TIAM1: variants seen among roughly 807,000 people sequenced by gnomAD.
The protein encoded by TIAM1 is rho guanine nucleotide exchange factor TIAM1.
A neutral mutation model predicts 163.5 loss-of-function variants in TIAM1; 65 were observed. The observed-to-expected ratio is 0.40, with a 90% CI of 0.33 to 0.49. The LOEUF is 0.49. Ranked by LOEUF, TIAM1 falls within the 20% of genes least tolerant of loss-of-function variation. TIAM1 has a pLI of 0.77. For synonymous variants in TIAM1, 833 were observed against 810.1 expected, an observed-to-expected ratio of 1.03 and a Z score of -0.48; for missense variants, 1,789 against 2,044.7, an observed-to-expected ratio of 0.87 and a Z score of 2.41.
intron 25 of TIAM1, among the ~76,000 whole-genome samples, chr21:31,127,656 T>C (rs1167819775): frequency 6.6e-6 from 1 of 152,136 alleles, no homozygotes; most frequent in African/African-American, 2.4e-5. Context: ...GATCTCATGA[T>C]CCACCCGCCT....
intron 2 of TIAM1, among the ~76,000 whole-genome samples, chr21:31,385,469 G>A (rs959778793): frequency 4.6e-5 from 7 of 152,060 alleles, no homozygotes; most frequent in Admixed American, 1.3e-4. Flanking sequence ...TTTGGGGTGC[G>A]AGATGCAGGG....
Position 31,210,179 on chromosome 21 carries a change from G to A in TIAM1, c.2254C>T (p.His752Tyr), listed in dbSNP as rs777089324. ...ACCCAAATGTCGCAGTCAGGGTTGT[G>A]CTGGTGAACGTTAGGTAAGACCACT... ...KEVVLPNVHQ[H>Y]NPDCDIWVHE... Residue 752 changes from histidine (H) to tyrosine (Y), a missense_variant, in exon 11 of 28, where the codon CAC (histidine) becomes TAC (tyrosine). This residue lies in a region of TIAM1 where 456 missense variants were observed against 586.6 expected (regional missense o/e 0.78). Transcript: ENST00000541036. The A allele has an allele frequency of 1.5e-5, 25 of 1,614,116 alleles. No individual in the cohort carries two copies. The highest frequency in any genetic ancestry group is 1.5e-5 in the Non-Finnish European group (18 of 1,180,034).
rs559511178 is a variant in TIAM1 at position 31,194,285 on chromosome 21, T to C, written c.2575+939A>G. 1.5e-4 allele frequency among the ~76,000 whole-genome samples: 23 copies of C among 152,250 alleles called. No individual in the cohort carries two copies. In the South Asian group the frequency reaches 3.9e-3, roughly 26 times the overall value. On this transcript the variant is annotated intron_variant, in intron 13 of 27. Transcript: ENST00000541036. ...TTTGCTATTAAAAAAATCATAGTTG[T>C]GAGTATGACCAGAGGCTGAGCTCTG...
chr21:31,195,873 A>C (rs529777968), intron 12 of TIAM1, among the ~76,000 whole-genome samples: 1 of 152,298 alleles, frequency 6.6e-6, no homozygotes, highest in South Asian at 2.1e-4. Context: ...AAAGGAAATA[A>C]CTTATGACTA....
At chr21:31,436,564 T>G (rs972650609) in intron 2 of TIAM1, among the ~76,000 whole-genome samples, 1 of 151,716 alleles carries the variant, frequency 6.6e-6, no homozygotes, top group Admixed American at 6.6e-5. Context: ...GAGGTAGAGG[T>G]TGCAGTGAGC....
At position 31,547,837 on chromosome 21, in the gene TIAM1, A is replaced by T. The variant is rs189860458; in HGVS notation, c.-422+11090T>A. On this transcript the variant is annotated intron_variant, in intron 1 of 28. Transcript: ENST00000286827. ...CCCAGCAATATATTAACCATAACAG[A>T]TTTGAGGGTTAAGGATGAGCTTTGC... Among the ~76,000 whole-genome samples, 81 of 152,312 alleles carry T rather than the reference A, an allele frequency of 5.3e-4. No individual in the cohort carries two copies. In the East Asian group the frequency reaches 0.013, roughly 24 times the overall value.
intron 3 of TIAM1, among the ~76,000 whole-genome samples, chr21:31,270,805 T>C (rs1255415138): frequency 6.6e-6 from 1 of 152,236 alleles, no homozygotes; most frequent in Middle Eastern, 3.2e-3. Flanking sequence ...TCTTCCAATG[T>C]GGCCCAGGGA....
At position 31,524,331 on chromosome 21, in the gene TIAM1, C is replaced by T. The variant is rs116036460; in HGVS notation, c.-422+34596G>A. Among the ~76,000 whole-genome samples, 296 of 152,142 alleles carry T rather than the reference C, an allele frequency of 1.9e-3. 1 individual carries two copies. The highest frequency in any genetic ancestry group is 6.0e-3 in the African/African-American group (250 of 41,522). ...AGCAAGAGAGAGTAGAGGGAGGTGT[C>T]ACACTTTACAACAGCCAGATCTTGC... is the stretch of plus-strand genomic sequence containing the variant. On this transcript the variant is annotated intron_variant, in intron 1 of 28. Transcript: ENST00000286827.
chr21:31,396,864 T>A (rs994923706), intron 2 of TIAM1, among the ~76,000 whole-genome samples: 1 of 151,742 alleles, frequency 6.6e-6, no homozygotes, highest in Non-Finnish European at 1.5e-5. Flanking sequence ...GACAGGAGAA[T>A]CACTTGAACC....
chr21:31,244,361 T>C (rs1362108125), intron 6 of TIAM1, among the ~76,000 whole-genome samples: 2 of 152,178 alleles, frequency 1.3e-5, no homozygotes, highest in Non-Finnish European at 2.9e-5. Flanking sequence ...TAATAGTCAT[T>C]GGTAGGCTTT....
chr21:31,402,310 T>A (rs1475793580), intron 2 of TIAM1, among the ~76,000 whole-genome samples: 1 of 152,108 alleles, frequency 6.6e-6, no homozygotes, highest in Non-Finnish European at 1.5e-5. Flanking sequence ...AGAGCAACAT[T>A]GCACCAAATC....
intron 23 of TIAM1, among the ~76,000 whole-genome samples, chr21:31,133,467 AC>A (rs1371420619): frequency 2.0e-5 from 3 of 152,212 alleles, no homozygotes; most frequent in African/African-American, 7.2e-5. Flanking sequence ...TGGAGACAGC[AC>A]CCACACCGAC....
intron 1 of TIAM1, among the ~76,000 whole-genome samples, chr21:31,535,446 T>G (rs2048103883): frequency 6.6e-6 from 1 of 151,194 alleles, no homozygotes; most frequent in Admixed American, 6.6e-5. Context: ...ATTTTTTCTC[T>G]TATCACTTTA....
At chr21:31,154,137 C>G in intron 17 of TIAM1, 110 bp downstream of exon 17, 2 of 1,227,846 alleles carry the variant, frequency 1.6e-6, no homozygotes, top group Non-Finnish European at 2.2e-6. Context: ...GAAACCAAGA[C>G]GCTCTTCATG....
intron 2 of TIAM1, among the ~76,000 whole-genome samples, chr21:31,285,631 G>A (rs1218987399): frequency 6.6e-6 from 1 of 152,170 alleles, no homozygotes; most frequent in Non-Finnish European, 1.5e-5. Flanking sequence ...GGGCCAAGGT[G>A]GGTGGATAAC....
chr21:31,396,607 A>G (rs1294477721), intron 2 of TIAM1, among the ~76,000 whole-genome samples: 1 of 148,600 alleles, frequency 6.7e-6, no homozygotes, highest in Non-Finnish European at 1.5e-5. Flanking sequence ...ATATAATATC[A>G]ATTATATTAT....
chr21:31,144,029 C>T (rs571434863), intron 20 of TIAM1, among the ~76,000 whole-genome samples: 9 of 152,256 alleles, frequency 5.9e-5, no homozygotes, highest in Admixed American at 4.6e-4. Context: ...CCACCGCACC[C>T]AGCCCTGTCT....
chr21:31,319,779 C>CAAAA (rs34265205), intron 2 of TIAM1, among the ~76,000 whole-genome samples: 3 of 101,356 alleles, frequency 3.0e-5, no homozygotes, highest in Non-Finnish European at 3.9e-5. Context: ...GACTCTATCT[C>CAAAA]AAAAAAAAAA....
chr21:31,284,669 C>A (rs1569161519), intron 2 of TIAM1, among the ~76,000 whole-genome samples: 1 of 152,114 alleles, frequency 6.6e-6, no homozygotes, highest in Non-Finnish European at 1.5e-5. Context: ...CAGGCATGTG[C>A]CACCACACCC....
Sources: allele counts gnomAD v4.1 joint callset (sites outside exome capture counted in the v4.1 genomes callset), GRCh38; gene constraint gnomAD v4.1.1; regional missense constraint gnomAD v4.1.1; transcripts MANE v1.5; gene names NCBI Gene and HGNC (gene_info 2026-07-23, HGNC 2026-07-21).